SYT9: variants seen among roughly 807,000 people sequenced by gnomAD.
SYT9 encodes the protein synaptotagmin-9.
A neutral mutation model predicts 48.4 loss-of-function variants in SYT9; 22 were observed. The ratio of observed to expected loss-of-function variants is 0.45; its 90% confidence interval spans 0.32 to 0.65. The LOEUF is 0.65. SYT9 is among the 30% of genes least tolerant of loss of function. The pLI is 0.03. For missense variants in SYT9, 577 were observed against 622.0 expected (o/e 0.93, Z 0.77); for synonymous variants, 265 against 245.0 (o/e 1.08, Z -0.76).
intron 3 of SYT9, among the ~76,000 whole-genome samples, chr11:7,363,385 A>G (rs1204112705): frequency 1.3e-5 from 2 of 152,216 alleles, no homozygotes; most frequent in Non-Finnish European, 2.9e-5. Context: ...AAATGGCAAT[A>G]CTAGTACCGA....
intron 1 of SYT9, among the ~76,000 whole-genome samples, chr11:7,290,587 G>C (rs1848682047): frequency 6.6e-6 from 1 of 152,090 alleles, no homozygotes; most frequent in Non-Finnish European, 1.5e-5. Context: ...CAGCTTCTTT[G>C]CCAATTCTTT....
chr11:7,313,870 G>A lies in SYT9; in HGVS notation c.973G>A (p.Asp325Asn), dbSNP rs764738315. ...TGACTTAATCGGCCAAGTGGTGGTG[G>A]ATCACTTCCTAGACTTGGCTGATTT... ...RHDLIGQVVV[D>N]HFLDLADFPR... Residue 325 changes from aspartate (D) to asparagine (N), a missense_variant, in exon 3 of 7, where the codon GAT becomes AAT. Coordinates refer to ENST00000318881, the MANE Select transcript of SYT9 (RefSeq NM_175733.4). 23 of 1,614,128 alleles carry A rather than the reference G, an allele frequency of 1.4e-5. No homozygotes were observed. The highest frequency in any genetic ancestry group is 1.9e-5 in the Non-Finnish European group (23 of 1,180,018).
intron 3 of SYT9, among the ~76,000 whole-genome samples, chr11:7,331,344 T>G (rs1382992190): frequency 2.6e-5 from 4 of 151,312 alleles, no homozygotes; most frequent in Non-Finnish European, 5.9e-5. Context: ...CTAGTGGCAA[T>G]GTCTGCCACA....
chr11:7,456,953 GTAC>G (rs1301082196), intron 6 of SYT9: 86 of 152,276 alleles, frequency 5.6e-4, no homozygotes, highest in African/African-American at 2.0e-3. Flanking sequence ...ACTCCTTCAA[GTAC>G]TAAAGTACAA....
intron 3 of SYT9, among the ~76,000 whole-genome samples, chr11:7,328,452 C>CA (rs1474460099): frequency 6.6e-6 from 1 of 152,100 alleles, no homozygotes; most frequent in African/African-American, 2.4e-5. Flanking sequence ...CTAGAAATTA[C>CA]AATATGCGTT....
chr11:7,297,009 A>G (rs957260813), intron 1 of SYT9, among the ~76,000 whole-genome samples: 2 of 151,910 alleles, frequency 1.3e-5, no homozygotes, highest in African/African-American at 4.8e-5. Context: ...TCCCCCTGAC[A>G]CACACACAAT....
chr11:7,358,897 T>C (rs192169894), intron 3 of SYT9, among the ~76,000 whole-genome samples: 3 of 152,168 alleles, frequency 2.0e-5, no homozygotes, highest in Admixed American at 6.5e-5. Context: ...ATGTGCACAA[T>C]GTGCAGGTTA....
chr11:7,460,218 A>T (rs1848213680), intron 6 of SYT9, among the ~76,000 whole-genome samples: 2 of 152,244 alleles, frequency 1.3e-5, no homozygotes, highest in African/African-American at 2.4e-5. Flanking sequence ...TTTGAAATAA[A>T]AACACTTTTT....
At chr11:7,349,096 GT>G (rs1000496802) in intron 3 of SYT9, among the ~76,000 whole-genome samples, 1 of 152,030 alleles carries the variant, frequency 6.6e-6, no homozygotes, top group African/African-American at 2.4e-5. Flanking sequence ...TCAGAGGTAG[GT>G]TTGGAATAGG....
intron 1 of SYT9, among the ~76,000 whole-genome samples, chr11:7,256,066 A>T (rs1174125873): frequency 6.6e-6 from 1 of 152,188 alleles, no homozygotes; most frequent in African/African-American, 2.4e-5. Flanking sequence ...TCTCCATCAT[A>T]CACCTTTGGC....
At chr11:7,373,798 G>A (rs1850405290) in intron 3 of SYT9, among the ~76,000 whole-genome samples, 1 of 152,054 alleles carries the variant, frequency 6.6e-6, no homozygotes, top group African/African-American at 2.4e-5. Flanking sequence ...AATTTTCTCT[G>A]TTAGAGACCT....
chr11:7,337,508 G>C (rs1261794848), intron 3 of SYT9, among the ~76,000 whole-genome samples: 1 of 152,120 alleles, frequency 6.6e-6, no homozygotes, highest in Non-Finnish European at 1.5e-5. Flanking sequence ...GTTTGTCATA[G>C]ATGGATCTTA....
upstream of SYT9, among the ~76,000 whole-genome samples, chr11:7,251,111 C>CACACACACACAG (rs1407145841): frequency 3.5e-4 from 52 of 149,416 alleles, no homozygotes; most frequent in African/African-American, 1.3e-3. Flanking sequence ...CACACACACA[C>CACACACACACAG]ACACACACAC....
chr11:7,250,724 C>T (rs894390913), upstream of SYT9, among the ~76,000 whole-genome samples: 2 of 152,110 alleles, frequency 1.3e-5, no homozygotes, highest in African/African-American at 4.8e-5. Flanking sequence ...TTGCCTGTTG[C>T]GTGAGCATTC....
chr11:7,423,949 A>C (rs1745633120), intron 6 of SYT9, among the ~76,000 whole-genome samples: 4 of 152,236 alleles, frequency 2.6e-5, no homozygotes, highest in Admixed American at 2.6e-4. Context: ...TCATGATAAC[A>C]GAGTATGTGA....
chr11:7,432,583 AT>A (rs1279760701), intron 6 of SYT9, among the ~76,000 whole-genome samples: 279 of 2,864 alleles, frequency 0.097, 55 homozygotes, highest in Middle Eastern at 0.17. Flanking sequence ...AAAAAAAAAA[AT>A]ATATATACAT....
chr11:7,369,768 A>G (rs1262577074), intron 3 of SYT9, among the ~76,000 whole-genome samples: 2 of 126,602 alleles, frequency 1.6e-5, no homozygotes, highest in Non-Finnish European at 3.4e-5. Flanking sequence ...CTTTATTTCT[A>G]CATACACACC....
chr11:7,268,579 A>G (rs888440998), intron 1 of SYT9, among the ~76,000 whole-genome samples: 1 of 152,044 alleles, frequency 6.6e-6, no homozygotes, highest in African/African-American at 2.4e-5. Flanking sequence ...GGAATGGTAA[A>G]GCACTAGGAA....
intron 3 of SYT9, among the ~76,000 whole-genome samples, chr11:7,410,930 C>T (rs1847126107): frequency 6.6e-6 from 1 of 152,210 alleles, no homozygotes; most frequent in Non-Finnish European, 1.5e-5. Flanking sequence ...TCCCAGCTCA[C>T]TGCAACCTCT....
Sources: allele counts gnomAD v4.1 joint callset (sites outside exome capture counted in the v4.1 genomes callset), GRCh38; gene constraint gnomAD v4.1.1; transcripts MANE v1.5; gene names NCBI Gene and HGNC (gene_info 2026-07-23, HGNC 2026-07-21).